CHDH: variants seen among roughly 807,000 people sequenced by gnomAD.
CHDH encodes the protein choline dehydrogenase, mitochondrial.
Under a neutral mutation model 56.9 loss-of-function variants are expected in CHDH, and 43 were observed. The observed-to-expected ratio is 0.76, with a 90% confidence interval of 0.59 to 0.97. The LOEUF is 0.97. Among genes scored for constraint, CHDH ranks in the 50% least tolerant of loss-of-function variants. The pLI, the probability that CHDH is intolerant of heterozygous loss-of-function variation, is 0.00. For synonymous variants in CHDH, 364 were observed against 348.5 expected, an observed-to-expected ratio of 1.04 and a Z score of -0.50; for missense variants, 816 against 821.1, an observed-to-expected ratio of 0.99 and a Z score of 0.08.
At chr3:53,834,056 G>A (rs1247460379) in intron 2 of CHDH, among the ~76,000 whole-genome samples, 1 of 152,156 alleles carries the variant, frequency 6.6e-6, no homozygotes, top group Non-Finnish European at 1.5e-5. Context: ...AACAAACATG[G>A]GGGCCACCAC....
At chr3:53,840,711 T>C (rs1311734142) in intron 2 of CHDH, among the ~76,000 whole-genome samples, 3 of 152,166 alleles carry the variant, frequency 2.0e-5, no homozygotes, top group Admixed American at 1.3e-4. Context: ...AAAAGGATTT[T>C]TGTAGTTGTT....
intron 2 of CHDH, among the ~76,000 whole-genome samples, chr3:53,831,030 G>T (rs964165690): frequency 2.0e-5 from 3 of 152,178 alleles, no homozygotes; most frequent in African/African-American, 7.2e-5. Flanking sequence ...GGCCAGAGGG[G>T]AGCCCACTGC....
Position 53,823,738 on chromosome 3 carries a change from G to T in CHDH, c.271C>A (p.Pro91Thr). 3.2e-6 allele frequency: 5 copies of T among 1,555,036 alleles called. No homozygotes were observed. Among genetic ancestry groups the T allele is most frequent in the Non-Finnish European group, 4.3e-6 (5 of 1,150,530 alleles). The change falls in exon 3 of 9, where the codon CCC becomes ACC. Residue 91 changes from proline to threonine, a missense_variant. Coordinates refer to ENST00000315251, the MANE Select transcript of CHDH (RefSeq NM_018397.5). ...SKRLSWKIHM[P>T]AALVANLCDD... is the part of the protein sequence containing the mutation. ...CACAGGTTGGCCACCAGGGCCGCGG[G>T]CATGTGGATCTTCCACGAGAGCCGC...
rs2095605169 is a variant in CHDH, at chr3:53,812,592, TAAG to T, written c.*5182_*5184del. On this transcript the variant is annotated 3_prime_UTR_variant, in exon 9 of 9. Coordinates refer to ENST00000315251, the MANE Select transcript of CHDH (RefSeq NM_018397.5). Reference sequence around the variant, plus strand: ...TTGTTTGACTTGAACCACCCTCTGGTAAGTAAGTAAGTGAATTACAGAGCAGGT... The same window carrying T: ...TTGTTTGACTTGAACCACCCTCTGGTTAAGTAAGTGAATTACAGAGCAGGT... 1 of 30,804 alleles carries T rather than the reference TAAG, an allele frequency of 3.2e-5. No homozygotes were observed. Among genetic ancestry groups the T allele is most frequent in the Non-Finnish European group, 1.1e-4 (1 of 8,886 alleles). The allele number at this position is 30,804 out of a possible 1,614,324, so 1.9% of individuals were successfully genotyped here. A position where few individuals can be genotyped will look rare whatever the true frequency, so the allele number is the denominator to read the frequency against.
At chr3:53,833,779 G>C (rs1263734803) in intron 2 of CHDH, among the ~76,000 whole-genome samples, 1 of 152,136 alleles carries the variant, frequency 6.6e-6, no homozygotes, top group African/African-American at 2.4e-5. Flanking sequence ...GGAAGATGTG[G>C]CTTTGCCAAC....
rs775819157 is a variant in CHDH at position 53,819,695 on chromosome 3, A to G, written c.1121-21T>C. ...CTCCCCTGAGAAGCAGAAGAGGATGAGGCAGAAGAGCCAGTCAGGCCGTGG... is the reference window on the plus strand; with the variant it reads ...CTCCCCTGAGAAGCAGAAGAGGATGGGGCAGAAGAGCCAGTCAGGCCGTGG... On this transcript the variant is annotated intron_variant, in intron 6 of 8. Coordinates refer to ENST00000315251, the MANE Select transcript of CHDH (RefSeq NM_018397.5). This position sits in a 1 kb window ranked among gnomAD's most constrained non-coding sequence, Gnocchi z 5.4. The G allele has an allele frequency of 4.6e-5, 72 of 1,564,754 alleles. No individual in the cohort carries two copies. In the East Asian group the frequency reaches 1.6e-3, roughly 36 times the overall value.
At position 53,836,390 on chromosome 3, in the gene CHDH, C is replaced by T. The variant is rs561385292; in HGVS notation, c.-60+4539G>A. On this transcript the variant is annotated intron_variant, in intron 2 of 8. Transcript: ENST00000315251. ...ACTGTGAGCATCGCTCCCTGGGATC[C>T]AGGTGCATGGTCCACCTTCCCTTCC... Among the ~76,000 whole-genome samples the T allele has an allele frequency of 9.8e-5, 15 of 152,364 alleles. No homozygotes were observed. The South Asian group carries it at 3.1e-3, about 32-fold the overall frequency.
intron 1 of CHDH, 123 bp downstream of exon 1, chr3:53,845,960 T>C (rs1381411350): frequency 6.6e-6 from 1 of 152,210 alleles, no homozygotes; most frequent in Non-Finnish European, 1.5e-5. Context: ...GGGGCGATTG[T>C]GTAAAGCGGG....
rs974842884 is a variant in CHDH at position 53,813,228 on chromosome 3, A to G, written c.*4549T>C. 2.0e-5 allele frequency: 3 copies of G among 152,008 alleles called. No individual in the cohort carries two copies. Among genetic ancestry groups the G allele is most frequent in the Non-Finnish European group, 4.4e-5 (3 of 68,016 alleles). 9.4% of individuals were successfully genotyped at this position (152,008 alleles called of 1,614,324 possible). ...AGACATTCTTACTCTGATCCAGGCA[A>G]AAACACTTCAAGGTTTGTAAATGAC... On this transcript the variant is annotated 3_prime_UTR_variant, in exon 9 of 9. Transcript: ENST00000315251.
At position 53,816,511 on chromosome 3, in the gene CHDH, C is replaced by G. The variant is rs954143350; in HGVS notation, c.*1266G>C. ...TCACACAGGGGCATTTCTACAGCCACAGGGTGCATGGCTGTGCTTAACTGT... is the reference window on the plus strand; with the variant it reads ...TCACACAGGGGCATTTCTACAGCCAGAGGGTGCATGGCTGTGCTTAACTGT... On this transcript the variant is annotated 3_prime_UTR_variant, in exon 9 of 9. Coordinates refer to ENST00000315251, the MANE Select transcript of CHDH (RefSeq NM_018397.5). 1.3e-5 allele frequency: 2 copies of G among 152,206 alleles called. No individual in the cohort carries two copies. Among genetic ancestry groups the G allele is most frequent in the African/African-American group, 2.4e-5 (1 of 41,442 alleles). 9.4% of individuals were successfully genotyped at this position (152,206 alleles called of 1,614,324 possible). A position where few individuals can be genotyped will look rare whatever the true frequency, so the allele number is the denominator to read the frequency against.
intron 2 of CHDH, among the ~76,000 whole-genome samples, chr3:53,829,658 C>T (rs1698272249): frequency 6.6e-6 from 1 of 152,192 alleles, no homozygotes; most frequent in Non-Finnish European, 1.5e-5. Context: ...TGCCCCACAC[C>T]TGGGCAAGTG....
rs2095625176 is a variant in CHDH, at chr3:53,820,984, C to CA, written c.986-377dup. Among the ~76,000 whole-genome samples the CA allele has an allele frequency of 2.0e-5, 3 of 152,374 alleles. No individual in the cohort carries two copies. In the South Asian group the frequency reaches 6.2e-4, roughly 32 times the overall value. ...GAGGGGCAGACAGCAGCCCCACCCTCACGCCAGCGTGGGGAAGGAGGAAGC... is the reference window on the plus strand; with the variant it reads ...GAGGGGCAGACAGCAGCCCCACCCTCAACGCCAGCGTGGGGAAGGAGGAAGC... On this transcript the variant is annotated intron_variant, in intron 5 of 8. Transcript: ENST00000315251.
At chr3:53,823,050 G>A (rs924158206) in intron 3 of CHDH, among the ~76,000 whole-genome samples, 5 of 152,152 alleles carry the variant, frequency 3.3e-5, no homozygotes, top group Admixed American at 6.5e-5. Flanking sequence ...CCAGAGAGCT[G>A]ATTCTCTGTT....
chr3:53,817,762 C>A lies in CHDH; in HGVS notation c.*15G>T. On this transcript the variant is annotated 3_prime_UTR_variant, in exon 9 of 9. Coordinates refer to ENST00000315251, the MANE Select transcript of CHDH (RefSeq NM_018397.5). Reference sequence around the variant, plus strand: ...ATCAGGGGGCTTCCCTGGTCATCCTCCAGCAGCAACTGTCTTAGCGCTGGG... The same window carrying A: ...ATCAGGGGGCTTCCCTGGTCATCCTACAGCAGCAACTGTCTTAGCGCTGGG... 2 of 1,571,930 alleles carry A rather than the reference C, an allele frequency of 1.3e-6. No individual in the cohort carries two copies. The highest frequency in any genetic ancestry group is 1.7e-6 in the Non-Finnish European group (2 of 1,158,828).
Position 53,823,320 on chromosome 3 carries a change from A to T in CHDH, c.689T>A (p.Met230Lys), listed in dbSNP as rs763715693. 3.8e-6 allele frequency: 6 copies of T among 1,572,290 alleles called. No individual in the cohort carries two copies. The South Asian group carries it at 7.0e-5, about 18-fold the overall frequency. ...GAGACCACTACCTTCATGGATGGTC[A>T]TGTCCATCCAGCCGAAGCCCTCCTG... ...FQQEGFGWMD[M>K]TIHEGKRWSA... Residue 230 changes from methionine to lysine, a missense_variant, in exon 3 of 9, where the codon ATG becomes AAG. By Grantham distance (95) the Met-to-Lys change is moderately conservative. Transcript: ENST00000315251.
chr3:53,821,895 G>A, intron 4 of CHDH, 119 bp from the exon 5 acceptor site: 1 of 1,323,686 alleles, frequency 7.6e-7, no homozygotes, highest in South Asian at 1.4e-5. Context: ...GAATCCTGTG[G>A]CACACCCGGG....
intron 4 of CHDH, 95 bp downstream of exon 4, chr3:53,822,396 T>TG: frequency 8.3e-7 from 1 of 1,210,444 alleles, no homozygotes; most frequent in Non-Finnish European, 1.2e-6. Context: ...CACGTGGGTC[T>TG]GGGGGTGAGG....
At chr3:53,843,153 G>A (rs1277856723) in intron 1 of CHDH, among the ~76,000 whole-genome samples, 6 of 149,156 alleles carry the variant, frequency 4.0e-5, no homozygotes, top group South Asian at 2.1e-4. Flanking sequence ...GGGGATTACC[G>A]TGACTCTTGG....
At chr3:53,843,544 C>T (rs1440452339) in intron 1 of CHDH, among the ~76,000 whole-genome samples, 1 of 152,082 alleles carries the variant, frequency 6.6e-6, no homozygotes, top group African/African-American at 2.4e-5. Flanking sequence ...GAGGCCCTGA[C>T]CTTTGCTCTG....
Sources: gnomAD v4.1 joint callset for allele counts (sites outside exome capture counted in the v4.1 genomes callset) on GRCh38, gnomAD v4.1.1 for gene constraint, Gnocchi (gnomAD v3.1) non-coding constraint, MANE v1.5 for transcripts, NCBI Gene and HGNC (gene_info 2026-07-23, HGNC 2026-07-21) for gene names.